Variants in PCDHGB6 observed in about 807,000 individuals in gnomAD.
PCDHGB6 encodes protocadherin gamma-B6.
In PCDHGB6, 51 loss-of-function variants were observed where a neutral mutation model predicts 59.1. The ratio of observed to expected loss-of-function variants is 0.86; its 90% confidence interval spans 0.69 to 1.09. PCDHGB6 has a LOEUF of 1.09. Ranked by LOEUF, PCDHGB6 falls within the 50% of genes least tolerant of loss-of-function variation. The probability of loss-of-function intolerance (pLI) is 0.00; values close to 1 mark genes in which losing one functional copy is unlikely to be tolerated. For missense variants in PCDHGB6, 1,148 were observed against 1,205.1 expected (o/e 0.95, Z 0.70); for synonymous variants, 466 against 495.1 (o/e 0.94, Z 0.78).
At chr5:141,435,805 T>C (rs2097780946) in intron 1 of PCDHGB6, among the ~76,000 whole-genome samples, 1 of 152,178 alleles carries the variant, frequency 6.6e-6, no homozygotes, top group African/African-American at 2.4e-5. Flanking sequence ...GTCCCAATTA[T>C]TTTTTCTTTC....
intron 1 of PCDHGB6, among the ~76,000 whole-genome samples, chr5:141,460,454 T>C (rs1010186960): frequency 6.6e-6 from 1 of 152,194 alleles, no homozygotes; most frequent in Admixed American, 6.6e-5. Context: ...TGAAGATTCA[T>C]ATTTTTTTCC....
In PCDHGB6 at chr5:141,417,713, C is replaced by T. The variant is rs905298887; in HGVS notation, c.2418+7093C>T. 1.3e-4 allele frequency: 160 copies of T among 1,271,624 alleles called. No homozygotes were observed. In the Admixed American group the frequency reaches 4.6e-3, roughly 37 times the overall value. The allele number at this position is 1,271,624 out of a possible 1,614,324, so 78.8% of individuals were successfully genotyped here. On this transcript the variant is annotated intron_variant, in intron 1 of 3. Transcript: ENST00000520790. ...AAACCAGCTCCCACACAGAGGCTCC[C>T]GGCTGCGCAGACCTTGCCCAGCACA... is the stretch of plus-strand genomic sequence containing the variant.
chr5:141,471,786 A>AT (rs531568169), intron 1 of PCDHGB6, among the ~76,000 whole-genome samples: 23 of 152,362 alleles, frequency 1.5e-4, no homozygotes, highest in African/African-American at 5.5e-4. Flanking sequence ...ACATTATGCT[A>AT]TGTCATATAA....
intron 1 of PCDHGB6, among the ~76,000 whole-genome samples, chr5:141,453,176 C>T (rs1225418058): frequency 6.6e-6 from 1 of 152,042 alleles, no homozygotes; most frequent in Non-Finnish European, 1.5e-5. Flanking sequence ...TCCAGTGGTA[C>T]AATCACAGCT....
Position 141,489,161 on chromosome 5 carries a change from A to T in PCDHGB6, c.2419-5646A>T. ...GCTGGAAGGAGACATAAGAGACTTC[A>T]GCTGCTGCATTCCAAGCCCTGGGTC... On this transcript the variant is annotated intron_variant, in intron 1 of 3. Coordinates refer to ENST00000520790, the MANE Select transcript of PCDHGB6 (RefSeq NM_018926.3). The surrounding 1 kb of genome is among the most constrained non-coding windows in gnomAD (Gnocchi z 4.5). 1.9e-6 allele frequency: 2 copies of T among 1,040,278 alleles called. No individual in the cohort carries two copies. The highest frequency in any genetic ancestry group is 2.8e-6 in the Non-Finnish European group (2 of 709,676). 64.4% of individuals were successfully genotyped at this position (1,040,278 alleles called of 1,614,324 possible).
At chr5:141,475,046 T>C (rs1430484084) in intron 1 of PCDHGB6, among the ~76,000 whole-genome samples, 1 of 152,274 alleles carries the variant, frequency 6.6e-6, no homozygotes, top group African/African-American at 2.4e-5. Context: ...CTTTGTATTT[T>C]CTAAAGATTT....
intron 1 of PCDHGB6, among the ~76,000 whole-genome samples, chr5:141,452,648 GCTCCATCCACTGCA>G (rs2098746292): frequency 6.6e-6 from 1 of 151,930 alleles, no homozygotes; most frequent in African/African-American, 2.4e-5. Flanking sequence ...TTACTCATTT[GCTCCATCCACTGCA>G]CTCCAGCCTA....
intron 2 of PCDHGB6, among the ~76,000 whole-genome samples, chr5:141,501,620 T>G (rs1393018933): frequency 6.6e-6 from 1 of 152,090 alleles, no homozygotes; most frequent in Non-Finnish European, 1.5e-5. Context: ...GACTCTGGTA[T>G]AGTCTCTCAA....
In PCDHGB6 at chr5:141,419,316, G is replaced by A. The variant is rs775328616; in HGVS notation, c.2418+8696G>A. 1.1e-5 allele frequency: 18 copies of A among 1,613,994 alleles called. No individual in the cohort carries two copies. In the South Asian group the frequency reaches 1.8e-4, roughly 16 times the overall value. On this transcript the variant is annotated intron_variant, in intron 1 of 3. Coordinates refer to ENST00000520790, the MANE Select transcript of PCDHGB6 (RefSeq NM_018926.3). ...GACCCAGACTTCGGGCTCAACGGCC[G>A]TGTCTCCTACTCTCTCATTGCCAGC...
Position 141,510,980 on chromosome 5 carries a change from G to C in PCDHGB6, c.2600G>C (p.Gly867Ala), listed in dbSNP as rs1466168256. 12 of 1,614,170 alleles carry C rather than the reference G, an allele frequency of 7.4e-6. No individual in the cohort carries two copies. The highest frequency in any genetic ancestry group is 9.3e-6 in the Non-Finnish European group (11 of 1,180,014). ...AADGSSTLGG[G>A]AGTMGLSARY... ...GATGGGAGCTCCACCCTGGGAGGGG[G>C]TGCCGGCACCATGGGATTGAGCGCC... is the stretch of plus-strand genomic sequence containing the variant. Residue 867 changes from glycine (G) to alanine (A), a missense_variant, in exon 4 of 4, where the codon GGT becomes GCT. By Grantham distance (60) the Gly-to-Ala change is moderately conservative (BLOSUM62 0). This residue lies in a region of PCDHGB6 where 283 missense variants were observed against 318.6 expected (regional missense o/e 0.89). Transcript: ENST00000520790.
chr5:141,423,693 G>A (rs114008539), intron 1 of PCDHGB6: 1 of 1,396,244 alleles, frequency 7.2e-7, no homozygotes, highest in Non-Finnish European at 9.4e-7. Flanking sequence ...CTAATTGTTG[G>A]TGTCTTGGCA....
chr5:141,473,262 G>T (rs905961411), intron 1 of PCDHGB6, among the ~76,000 whole-genome samples: 2 of 152,188 alleles, frequency 1.3e-5, no homozygotes, highest in Admixed American at 6.5e-5. Flanking sequence ...AGTCCTTAGT[G>T]TATGCTATGA....
intron 1 of PCDHGB6, chr5:141,433,291 T>C: frequency 9.1e-7 from 1 of 1,094,048 alleles, no homozygotes; most frequent in Non-Finnish European, 1.3e-6. Context: ...ACTCCTAGGC[T>C]CAAGCAATTA....
rs769652961 is a variant in PCDHGB6, at chr5:141,489,435, A to G, written c.2419-5372A>G. ...CAGATCTGTTGAGCCGGCGGCTGCAATTGGGCTCTGAGGAGAATGGGCGCT... is the reference window on the plus strand; with the variant it reads ...CAGATCTGTTGAGCCGGCGGCTGCAGTTGGGCTCTGAGGAGAATGGGCGCT... On this transcript the variant is annotated intron_variant, in intron 1 of 3. Coordinates refer to ENST00000520790, the MANE Select transcript of PCDHGB6 (RefSeq NM_018926.3). This position sits in a 1 kb window ranked among gnomAD's most constrained non-coding sequence, Gnocchi z 4.5. 2 of 1,614,138 alleles carry G rather than the reference A, an allele frequency of 1.2e-6. No homozygotes were observed. The highest frequency in any genetic ancestry group is 1.7e-6 in the Non-Finnish European group (2 of 1,180,024).
rs201073884 is a variant in PCDHGB6 at position 141,486,264 on chromosome 5, A to C, written c.2419-8543A>C. On this transcript the variant is annotated intron_variant, in intron 1 of 3. Coordinates refer to ENST00000520790, the MANE Select transcript of PCDHGB6 (RefSeq NM_018926.3). This position sits in a 1 kb window ranked among gnomAD's most constrained non-coding sequence, Gnocchi z 5.0. The stretch of plus-strand genomic sequence containing the variant: ...CTTGGAACCCTCCCCGAGAGTGCAG[A>C]ACCTGGCACTGTGGTGGCACTTATC... 8 of 1,614,032 alleles carry C rather than the reference A, an allele frequency of 5.0e-6. No individual in the cohort carries two copies. The East Asian group carries it at 1.6e-4, about 31-fold the overall frequency.
chr5:141,430,881 A>G, intron 1 of PCDHGB6: 4 of 1,600,896 alleles, frequency 2.5e-6, no homozygotes, highest in Non-Finnish European at 3.4e-6. Flanking sequence ...GAGCTGGAGA[A>G]AGGCTCTAGG....
intron 1 of PCDHGB6, among the ~76,000 whole-genome samples, chr5:141,446,325 T>G (rs1440954528): frequency 3.9e-5 from 6 of 152,124 alleles, no homozygotes; most frequent in African/African-American, 1.4e-4. Flanking sequence ...GTTTCCACAT[T>G]AAGGAACTGG....
At chr5:141,430,392 A>G (rs2097281137) in intron 1 of PCDHGB6, among the ~76,000 whole-genome samples, 1 of 152,136 alleles carries the variant, frequency 6.6e-6, no homozygotes, top group Non-Finnish European at 1.5e-5. Context: ...GGAAAAAAAA[A>G]AAAAGCTCAC....
intron 1 of PCDHGB6, chr5:141,423,309 G>T (rs1401836240): frequency 6.2e-7 from 1 of 1,614,176 alleles, no homozygotes; most frequent in South Asian, 1.1e-5. Context: ...CGCTGTACTT[G>T]GTGGTGGCGG....
Sources: gnomAD v4.1 joint callset for allele counts (sites outside exome capture counted in the v4.1 genomes callset) on GRCh38, gnomAD v4.1.1 for gene constraint, gnomAD v4.1.1 regional missense constraint, Gnocchi (gnomAD v3.1) non-coding constraint, MANE v1.5 for transcripts, NCBI Gene and HGNC (gene_info 2026-07-23, HGNC 2026-07-21) for gene names.